Variants in NLGN1 observed in about 807,000 individuals in gnomAD.
NLGN1 encodes the protein neuroligin-1.
A neutral mutation model predicts 65.5 loss-of-function variants in NLGN1; 12 were observed. The observed-to-expected ratio is 0.18, with a 90% CI of 0.12 to 0.30. The LOEUF is 0.30. Among genes scored for constraint, NLGN1 ranks in the 10% least tolerant of loss-of-function variants. The pLI, the probability that NLGN1 is intolerant of heterozygous loss-of-function variation, is 1.00. For synonymous variants in NLGN1, 350 were observed against 359.5 expected, an observed-to-expected ratio of 0.97 and a Z score of 0.30; for missense variants, 750 against 1,007.1, an observed-to-expected ratio of 0.74 and a Z score of 3.46.
chr3:173,796,820 T>C (rs1173612827), intron 3 of NLGN1, among the ~76,000 whole-genome samples: 1 of 152,196 alleles, frequency 6.6e-6, no homozygotes, highest in Admixed American at 6.6e-5. Context: ...TATTTCTATT[T>C]GAAGGATAAA....
intron 2 of NLGN1, among the ~76,000 whole-genome samples, chr3:173,529,660 G>T (rs975457428): frequency 6.6e-6 from 1 of 152,174 alleles, no homozygotes; most frequent in East Asian, 1.9e-4. Flanking sequence ...GCTGAATGCC[G>T]TGGGAAATGC....
intron 4 of NLGN1, among the ~76,000 whole-genome samples, chr3:173,987,258 T>G (rs1720145433): frequency 6.6e-6 from 1 of 152,166 alleles, no homozygotes; most frequent in Admixed American, 6.6e-5. Flanking sequence ...AAATGGCACT[T>G]GTAACAAAGG....
intron 2 of NLGN1, among the ~76,000 whole-genome samples, chr3:173,465,407 C>T (rs1470466208): frequency 6.6e-6 from 1 of 152,142 alleles, no homozygotes; most frequent in Non-Finnish European, 1.5e-5. Context: ...TAGGTGAGAA[C>T]AATTATGGCA....
intron 4 of NLGN1, among the ~76,000 whole-genome samples, chr3:174,129,711 A>G (rs1234898419): frequency 6.6e-6 from 1 of 152,218 alleles, no homozygotes; most frequent in East Asian, 1.9e-4. Flanking sequence ...TTATCATTGT[A>G]TATGTGAAGG....
chr3:173,861,476 A>G (rs543652878), intron 4 of NLGN1, among the ~76,000 whole-genome samples: 27 of 151,458 alleles, frequency 1.8e-4, no homozygotes, highest in Non-Finnish European at 3.1e-4. Context: ...TGATAAGTTA[A>G]TAGATATTGT....
chr3:173,703,837 A>G (rs1244808463), intron 3 of NLGN1, among the ~76,000 whole-genome samples: 1 of 152,156 alleles, frequency 6.6e-6, no homozygotes, highest in Non-Finnish European at 1.5e-5. Context: ...TCTGAGTCTA[A>G]TCATGTGTGC....
intron 4 of NLGN1, among the ~76,000 whole-genome samples, chr3:174,254,304 TA>T (rs1330844167): frequency 4.8e-5 from 6 of 126,142 alleles, no homozygotes; most frequent in African/African-American, 1.5e-4. Flanking sequence ...AAGTCCTTTT[TA>T]ATTTTTTTTT....
chr3:174,285,218 G>A (rs1457875330), exon 7 of NLGN1: 3 of 151,448 alleles, frequency 2.0e-5, no homozygotes, highest in Non-Finnish European at 3.0e-5. Flanking sequence ...TTCTTAAGAA[G>A]CTGTCAAATA....
At chr3:173,529,783 T>C (rs1407676015) in intron 2 of NLGN1, among the ~76,000 whole-genome samples, 6 of 152,030 alleles carry the variant, frequency 3.9e-5, no homozygotes, top group Non-Finnish European at 8.8e-5. Flanking sequence ...TGCTACTTTG[T>C]GTAGAGAAGG....
At chr3:173,850,923 T>G (rs1386899055) in intron 4 of NLGN1, among the ~76,000 whole-genome samples, 1 of 151,836 alleles carries the variant, frequency 6.6e-6, no homozygotes, top group Non-Finnish European at 1.5e-5. Context: ...AATTTTACTT[T>G]CTGTAGAGAT....
chr3:173,904,707 G>A (rs1320168612), intron 4 of NLGN1, among the ~76,000 whole-genome samples: 1 of 152,102 alleles, frequency 6.6e-6, no homozygotes, highest in African/African-American at 2.4e-5. Flanking sequence ...GTTTCTAAGA[G>A]GGAATGCCTT....
chr3:173,947,525 C>T (rs1052301824), intron 4 of NLGN1, among the ~76,000 whole-genome samples: 2 of 152,100 alleles, frequency 1.3e-5, no homozygotes, highest in African/African-American at 2.4e-5. Context: ...ACATATTAAC[C>T]GTTATTTTTT....
At chr3:173,478,605 G>A (rs1726685324) in intron 2 of NLGN1, among the ~76,000 whole-genome samples, 1 of 152,048 alleles carries the variant, frequency 6.6e-6, no homozygotes, top group South Asian at 2.1e-4. Flanking sequence ...ATTGGAAATA[G>A]GCCAAGTGAA....
At chr3:173,626,267 A>G (rs567267654) in intron 3 of NLGN1, among the ~76,000 whole-genome samples, 14 of 152,236 alleles carry the variant, frequency 9.2e-5, no homozygotes, top group African/African-American at 2.9e-4. Flanking sequence ...GCAGCTGGAA[A>G]TGAATATTAG....
In NLGN1 at chr3:173,842,420, A is replaced by G. The variant is rs998842820; in HGVS notation, c.646+34588A>G. Among the ~76,000 whole-genome samples the G allele has an allele frequency of 5.9e-5, 9 of 152,202 alleles. 1 individual carries two copies. The highest frequency in any genetic ancestry group is 5.9e-4 in the Admixed American group (9 of 15,286). ...CATTTCACCATTAACTCAGAAGTCC[A>G]CAGTCCAAAGTCTCATCCCAGACAA... On this transcript the variant is annotated intron_variant, in intron 4 of 6. Transcript: ENST00000457714.
chr3:173,727,872 T>C (rs1772067484), intron 3 of NLGN1, among the ~76,000 whole-genome samples: 1 of 152,098 alleles, frequency 6.6e-6, no homozygotes. Context: ...ATGGAGACAA[T>C]AAACCAGGAT....
At chr3:173,886,670 T>A (rs892563042) in intron 4 of NLGN1, among the ~76,000 whole-genome samples, 1 of 152,052 alleles carries the variant, frequency 6.6e-6, no homozygotes, top group Non-Finnish European at 1.5e-5. Context: ...AAAATAGGGA[T>A]GAGTGTAAAA....
intron 3 of NLGN1, among the ~76,000 whole-genome samples, chr3:173,723,215 T>A (rs973132772): frequency 2.2e-4 from 34 of 152,178 alleles, no homozygotes; most frequent in East Asian, 7.7e-4. Flanking sequence ...CAAGAGAATA[T>A]ATGGGCCCTG....
intron 3 of NLGN1, among the ~76,000 whole-genome samples, chr3:173,649,654 T>A (rs1758831651): frequency 6.6e-6 from 1 of 152,058 alleles, no homozygotes; most frequent in Non-Finnish European, 1.5e-5. Context: ...TATCGTTCTA[T>A]CTCACAACAC....
Sources: allele counts gnomAD v4.1 joint callset (sites outside exome capture counted in the v4.1 genomes callset), GRCh38; gene constraint gnomAD v4.1.1; transcripts MANE v1.5; gene names NCBI Gene and HGNC (gene_info 2026-07-23, HGNC 2026-07-21).